The following AACS variants were observed in gnomAD, a reference collection of about 807,000 sequenced individuals.
AACS encodes the protein acetoacetate-CoA ligase.
Under a neutral mutation model 83.1 loss-of-function variants are expected in AACS, and 69 were observed. That is an observed-to-expected ratio of 0.83 (90% CI 0.68 to 1.01). AACS has a LOEUF of 1.01. AACS is among the 50% of genes least tolerant of loss of function. AACS has a pLI of 0.00. For synonymous variants in AACS, 333 were observed against 343.4 expected, an observed-to-expected ratio of 0.97 and a Z score of 0.33; for missense variants, 866 against 882.2, an observed-to-expected ratio of 0.98 and a Z score of 0.23.
chr12:125,142,442 G>C lies in AACS; in HGVS notation c.*213G>C, dbSNP rs1957515416. 19 of 626,800 alleles carry C rather than the reference G, an allele frequency of 3.0e-5. No homozygotes were observed. The South Asian group carries it at 3.7e-4, about 12-fold the overall frequency. 38.8% of individuals were successfully genotyped at this position (626,800 alleles called of 1,614,324 possible). Reference sequence around the variant, plus strand: ...GGATTCTGGCCTTCAGAGACCAGGAGGGAGTGTCTGGGCCGCAGGTGTGGC... The same window carrying C: ...GGATTCTGGCCTTCAGAGACCAGGACGGAGTGTCTGGGCCGCAGGTGTGGC... On this transcript the variant is annotated 3_prime_UTR_variant, in exon 18 of 18. Transcript: ENST00000316519.
intron 1 of AACS, among the ~76,000 whole-genome samples, chr12:125,069,307 A>G (rs1955794701): frequency 6.6e-6 from 1 of 152,224 alleles, no homozygotes; most frequent in African/African-American, 2.4e-5. Flanking sequence ...CCCGCCCTGC[A>G]GGCTTCAGGG....
intron 17 of AACS, among the ~76,000 whole-genome samples, chr12:125,137,472 C>G (rs1359689041): frequency 1.3e-5 from 2 of 152,252 alleles, no homozygotes; most frequent in Non-Finnish European, 2.9e-5. Context: ...GTAAGCCACT[C>G]TACCCAGCCA....
intron 3 of AACS, among the ~76,000 whole-genome samples, chr12:125,084,742 C>T (rs948168926): frequency 6.6e-6 from 1 of 152,074 alleles, no homozygotes; most frequent in African/African-American, 2.4e-5. Flanking sequence ...CCATGCTTGG[C>T]TAATTTTTAA....
chr12:125,083,810 C>A (rs1039802392), intron 3 of AACS, among the ~76,000 whole-genome samples: 2 of 151,864 alleles, frequency 1.3e-5, no homozygotes, highest in East Asian at 3.9e-4. Context: ...TCCACCACCA[C>A]GCCCGGCTAA....
intron 5 of AACS, among the ~76,000 whole-genome samples, chr12:125,099,256 C>T (rs1253008494): frequency 5.9e-5 from 9 of 152,202 alleles, no homozygotes; most frequent in African/African-American, 2.2e-4. Flanking sequence ...CTTTCTCCGA[C>T]TTCTGTAATG....
intron 7 of AACS, chr12:125,105,849 G>A (rs1398561842): frequency 6.6e-6 from 1 of 152,226 alleles, no homozygotes; most frequent in Non-Finnish European, 1.5e-5. Flanking sequence ...GCTTTTCTCT[G>A]TGTGAAGTAT....
intron 10 of AACS, 121 bp from the exon 11 acceptor site, chr12:125,124,584 C>G: frequency 2.6e-6 from 3 of 1,169,748 alleles, no homozygotes; most frequent in South Asian, 1.5e-5. Flanking sequence ...TGAGTTCAAC[C>G]CAGAAAACTG....
intron 5 of AACS, chr12:125,100,798 A>T (rs1956694774): frequency 6.6e-6 from 1 of 151,368 alleles, no homozygotes; most frequent in African/African-American, 2.4e-5. Context: ...CTCCCACAAC[A>T]CTCTGCCCCT....
intron 9 of AACS, 187 bp from the exon 10 acceptor site, chr12:125,118,454 A>G (rs1957095797): frequency 1.5e-6 from 1 of 674,260 alleles, no homozygotes; most frequent in South Asian, 1.9e-5. Context: ...ATGTGTGAAT[A>G]TGTCTGTGTG....
In AACS at chr12:125,134,791, C is replaced by T. The variant is rs1565956039; in HGVS notation, c.1620-3C>T. On this transcript the variant is annotated splice_polypyrimidine_tract_variant and splice_region_variant and intron_variant, in intron 15 of 17. Coordinates refer to ENST00000316519, the MANE Select transcript of AACS (RefSeq NM_023928.5). ...GTGGCCCTGACCTCTTCTCTCTTTCCAGTGACGGCACCCTCAACCCCAACG... is the reference window on the plus strand; with the variant it reads ...GTGGCCCTGACCTCTTCTCTCTTTCTAGTGACGGCACCCTCAACCCCAACG... 1 of 1,614,154 alleles carries T rather than the reference C, an allele frequency of 6.2e-7. No individual in the cohort carries two copies. Among genetic ancestry groups the T allele is most frequent in the Non-Finnish European group, 8.5e-7 (1 of 1,180,024 alleles).
Position 125,140,728 on chromosome 12 carries a change from AC to A in AACS, c.1882-1363del, listed in dbSNP as rs1191650263. ...GGCTCTTCTGGATTCAAGGTGAAACACATGTGCCATAAATCTTGGAGCTCTG... is the reference window on the plus strand; with the variant it reads ...GGCTCTTCTGGATTCAAGGTGAAACAATGTGCCATAAATCTTGGAGCTCTG... On this transcript the variant is annotated intron_variant, in intron 17 of 17. Transcript: ENST00000316519. This position sits in a 1 kb window ranked among gnomAD's most constrained non-coding sequence, Gnocchi z 5.1. 1 of 152,198 alleles carries A rather than the reference AC, an allele frequency of 6.6e-6. No individual in the cohort carries two copies. Among genetic ancestry groups the A allele is most frequent in the Non-Finnish European group, 1.5e-5 (1 of 68,044 alleles). The allele number at this position is 152,198 out of a possible 1,614,324, so 9.4% of individuals were successfully genotyped here.
chr12:125,104,997 A>C (rs1466039610), intron 7 of AACS, among the ~76,000 whole-genome samples: 1 of 11,952 alleles, frequency 8.4e-5, no homozygotes, highest in Admixed American at 1.1e-3. Context: ...GCAGGAGTGG[A>C]GGGGGTCGGG....
At chr12:125,107,699 AC>A (rs1465831894) in intron 8 of AACS, among the ~76,000 whole-genome samples, 6 of 152,220 alleles carry the variant, frequency 3.9e-5, no homozygotes, top group African/African-American at 1.4e-4. Flanking sequence ...AATGGCCCAC[AC>A]CTATAACCCC....
chr12:125,068,744 G>A (rs761581729), intron 1 of AACS, among the ~76,000 whole-genome samples: 1 of 151,980 alleles, frequency 6.6e-6, no homozygotes, highest in African/African-American at 2.4e-5. Context: ...TCTTCTTTTT[G>A]ATTATTCTCT....
chr12:125,086,546 A>G (rs1956343590), intron 4 of AACS, 103 bp downstream of exon 4: 1 of 1,032,646 alleles, frequency 9.7e-7, no homozygotes, highest in African/African-American at 1.6e-5. Context: ...GTCATGTCAT[A>G]TTACATGGAA....
intron 12 of AACS, chr12:125,127,574 T>G: frequency 6.6e-6 from 1 of 152,366 alleles, no homozygotes; most frequent in Non-Finnish European, 1.5e-5. Context: ...CCTGAGTAGC[T>G]GGGATTACAG....
intron 3 of AACS, among the ~76,000 whole-genome samples, chr12:125,082,245 C>A (rs1956209093): frequency 6.7e-6 from 1 of 150,086 alleles, no homozygotes; most frequent in South Asian, 2.1e-4. Flanking sequence ...AGTCACAACT[C>A]ACTGTAGCCT....
rs1454716607 is a variant in AACS at position 125,129,051 on chromosome 12, T to C, written c.1424-284T>C. 2 of 272,280 alleles carry C rather than the reference T, an allele frequency of 7.3e-6. No homozygotes were observed. Among genetic ancestry groups the C allele is most frequent in the Non-Finnish European group, 1.4e-5 (2 of 144,456 alleles). The allele number at this position is 272,280 out of a possible 1,614,324, so 16.9% of individuals were successfully genotyped here. The stretch of plus-strand genomic sequence containing the variant: ...AGGCATGCAGAGTGACGACATATGC[T>C]ATTCAAGGATGCGTGTGGATGGAGC... On this transcript the variant is annotated intron_variant, in intron 13 of 17. Transcript: ENST00000316519. The surrounding 1 kb of genome is among the most constrained non-coding windows in gnomAD (Gnocchi z 4.3).
At chr12:125,103,239 G>A (rs541475372) in intron 7 of AACS, among the ~76,000 whole-genome samples, 158 bp downstream of exon 7, 1 of 152,284 alleles carries the variant, frequency 6.6e-6, no homozygotes, top group South Asian at 2.1e-4. Flanking sequence ...GACACCTGAG[G>A]CCCCAGAGTG....
Sources: gnomAD v4.1 joint callset for allele counts (sites outside exome capture counted in the v4.1 genomes callset) on GRCh38, gnomAD v4.1.1 for gene constraint, Gnocchi (gnomAD v3.1) non-coding constraint, MANE v1.5 for transcripts, NCBI Gene and HGNC (gene_info 2026-07-23, HGNC 2026-07-21) for gene names.